The following CRTC3 variants were observed in gnomAD, a reference collection of about 807,000 sequenced individuals.
CRTC3 encodes the protein CREB-regulated transcription coactivator 3.
Under a neutral mutation model 74.5 loss-of-function variants are expected in CRTC3, and 26 were observed. That is an observed-to-expected ratio of 0.35 (90% CI 0.26 to 0.48). CRTC3 has a LOEUF of 0.48. Among genes scored for constraint, CRTC3 ranks in the 20% least tolerant of loss-of-function variants. The pLI is 0.99. For synonymous variants in CRTC3, 377 were observed against 325.8 expected, an observed-to-expected ratio of 1.16 and a Z score of -1.69; for missense variants, 760 against 787.3, an observed-to-expected ratio of 0.97 and a Z score of 0.41.
intron 2 of CRTC3, among the ~76,000 whole-genome samples, chr15:90,589,419 A>G (rs13329433): frequency 0.028 from 4,312 of 152,034 alleles, 217 homozygotes; most frequent in African/African-American, 0.098. Context: ...TGGCTCAATC[A>G]TAGTTCACTG....
intron 1 of CRTC3, among the ~76,000 whole-genome samples, chr15:90,535,517 G>C (rs778761732): frequency 2.0e-5 from 3 of 152,210 alleles, no homozygotes; most frequent in Non-Finnish European, 4.4e-5. Context: ...GGGGAATGGA[G>C]ATAGGGTTGG....
intron 10 of CRTC3, among the ~76,000 whole-genome samples, chr15:90,628,141 C>G (rs998930320): frequency 6.6e-6 from 1 of 151,260 alleles, no homozygotes; most frequent in African/African-American, 2.4e-5. Context: ...GGCGTGAACC[C>G]GGGAGACGGA....
chr15:90,635,542 G>A (rs142824603), intron 11 of CRTC3, among the ~76,000 whole-genome samples: 309 of 152,298 alleles, frequency 2.0e-3, no homozygotes, highest in African/African-American at 7.3e-3. Context: ...CTACTCGGGA[G>A]ACTGAGGCAG....
chr15:90,590,517 C>A (rs998915824), intron 2 of CRTC3, among the ~76,000 whole-genome samples: 1 of 151,928 alleles, frequency 6.6e-6, no homozygotes, highest in Non-Finnish European at 1.5e-5. Context: ...TCTAGTGCCA[C>A]CATGCCTAAT....
chr15:90,640,669 C>A (rs1969405018), intron 13 of CRTC3, among the ~76,000 whole-genome samples: 1 of 136,834 alleles, frequency 7.3e-6, no homozygotes, highest in Admixed American at 7.3e-5. Flanking sequence ...GCAACAGAGA[C>A]CCTATCTTTA....
chr15:90,641,569 G>A lies in CRTC3; in HGVS notation c.1652-363G>A, dbSNP rs548965222. Among the ~76,000 whole-genome samples the A allele has an allele frequency of 2.6e-4, 39 of 152,108 alleles. No homozygotes were observed. In the South Asian group the frequency reaches 6.9e-3, roughly 27 times the overall value. Reference sequence around the variant, plus strand: ...AAAAAAATTAGCTGGGCATGGCGGCGGGCGCCTGTGGTCTCAGCTACTCGG... The same window carrying A: ...AAAAAAATTAGCTGGGCATGGCGGCAGGCGCCTGTGGTCTCAGCTACTCGG... On this transcript the variant is annotated intron_variant, in intron 14 of 14. Coordinates refer to ENST00000268184, the MANE Select transcript of CRTC3 (RefSeq NM_022769.5).
At chr15:90,639,609 C>T (rs777037252) in intron 13 of CRTC3, among the ~76,000 whole-genome samples, 1 of 151,522 alleles carries the variant, frequency 6.6e-6, no homozygotes, top group Non-Finnish European at 1.5e-5. Flanking sequence ...ACCCCTACAC[C>T]TGGCTAAATT....
In CRTC3 at chr15:90,629,475, A is replaced by G. The variant is rs2151092914; in HGVS notation, c.1209A>G (p.Gln403=). Residue 403 remains glutamine (Q), a synonymous_variant, in exon 11 of 15, where the codon CAA becomes CAG. Coordinates refer to ENST00000268184, the MANE Select transcript of CRTC3 (RefSeq NM_022769.5). ...TTTCTCCTGGCCCTGAAGCACATCA[A>G]GGTTTCAGCAGACAGCTGTCTTCAA... The part of the protein sequence containing the change: ...LTLSPGPEAH[Q]GFSRQLSSTS... 2 of 1,614,138 alleles carry G rather than the reference A, an allele frequency of 1.2e-6. No individual in the cohort carries two copies. Among genetic ancestry groups the G allele is most frequent in the East Asian group, 2.2e-5 (1 of 44,878 alleles).
intron 2 of CRTC3, among the ~76,000 whole-genome samples, chr15:90,576,514 T>G (rs990986598): frequency 6.6e-6 from 1 of 151,734 alleles, no homozygotes; most frequent in African/African-American, 2.4e-5. Context: ...CAGTGGGCTG[T>G]TGAATGTATA....
chr15:90,634,643 A>G (rs561420587), intron 11 of CRTC3: 2 of 539,656 alleles, frequency 3.7e-6, no homozygotes, highest in East Asian at 6.5e-5. Flanking sequence ...TGCTCTGCTC[A>G]TGTTTAAGAA....
chr15:90,630,448 A>G (rs1968995472), intron 11 of CRTC3, among the ~76,000 whole-genome samples: 1 of 152,146 alleles, frequency 6.6e-6, no homozygotes. Flanking sequence ...TCACCCACCC[A>G]TACAAAAAAT....
At chr15:90,617,719 G>A (rs547339285) in intron 7 of CRTC3, among the ~76,000 whole-genome samples, 164 bp from the exon 8 acceptor site, 6 of 152,082 alleles carry the variant, frequency 3.9e-5, no homozygotes, top group East Asian at 1.9e-4. Context: ...TTGTAGAGAC[G>A]GGGGTCTCAC....
At chr15:90,605,185 T>C (rs940943830) in intron 5 of CRTC3, among the ~76,000 whole-genome samples, 1 of 151,798 alleles carries the variant, frequency 6.6e-6, no homozygotes, top group Non-Finnish European at 1.5e-5. Flanking sequence ...CCCAAGGAGG[T>C]TGAGGCTGCA....
In CRTC3 at chr15:90,544,791, G is replaced by A. The variant is rs1306713891; in HGVS notation, c.231+4654G>A. Among the ~76,000 whole-genome samples, 5 of 152,276 alleles carry A rather than the reference G, an allele frequency of 3.3e-5. No homozygotes were observed. In the East Asian group the frequency reaches 7.7e-4, roughly 23 times the overall value. ...GACCCTGTATCTGCTCTAGCACTTG[G>A]TATTTCAGAGTTTCAAAAAAATGGT... On this transcript the variant is annotated intron_variant, in intron 2 of 14. Transcript: ENST00000268184.
intron 2 of CRTC3, among the ~76,000 whole-genome samples, chr15:90,581,593 G>A (rs1567172988): frequency 6.6e-6 from 1 of 152,066 alleles, no homozygotes; most frequent in African/African-American, 2.4e-5. Context: ...ATTTATGACA[G>A]TATCATAACT....
chr15:90,616,022 G>T (rs1968486177), intron 7 of CRTC3, among the ~76,000 whole-genome samples: 1 of 150,152 alleles, frequency 6.7e-6, no homozygotes, highest in African/African-American at 2.5e-5. Flanking sequence ...ACCACACCCA[G>T]CTAATTTTTT....
At chr15:90,551,749 A>C (rs1174280094) in intron 2 of CRTC3, among the ~76,000 whole-genome samples, 2 of 22,300 alleles carry the variant, frequency 9.0e-5, no homozygotes, top group African/African-American at 3.7e-4. Flanking sequence ...AAGCACCCTG[A>C]TTAAGTTCAT....
chr15:90,595,490 G>A (rs1967899572), intron 3 of CRTC3: 1 of 151,738 alleles, frequency 6.6e-6, no homozygotes, highest in Non-Finnish European at 1.5e-5. Context: ...GAACCCGGGA[G>A]GTGGAGCTTG....
intron 2 of CRTC3, among the ~76,000 whole-genome samples, chr15:90,559,715 C>T (rs186412973): frequency 6.6e-6 from 1 of 152,308 alleles, no homozygotes; most frequent in Non-Finnish European, 1.5e-5. Context: ...ACCTCTGCTT[C>T]CCGGGCTCAA....
Sources: allele counts gnomAD v4.1 joint callset (sites outside exome capture counted in the v4.1 genomes callset), GRCh38; gene constraint gnomAD v4.1.1; transcripts MANE v1.5; gene names NCBI Gene and HGNC (gene_info 2026-07-23, HGNC 2026-07-21).